Variants in MYO15A observed in about 807,000 individuals in gnomAD.
MYO15A encodes unconventional myosin-XV.
A neutral mutation model predicts 394.6 loss-of-function variants in MYO15A; 308 were observed. The observed-to-expected ratio is 0.78, with a 90% CI of 0.71 to 0.86. MYO15A has a LOEUF of 0.86. MYO15A is among the 40% of genes least tolerant of loss of function. The pLI is 0.00. For missense variants in MYO15A, 4,606 were observed against 4,799.1 expected, an observed-to-expected ratio of 0.96 and a Z score of 1.19; for synonymous variants, 1,957 against 2,003.8, an observed-to-expected ratio of 0.98 and a Z score of 0.62.
At chr17:18,141,244 AG>A in intron 22 of MYO15A, 101 bp downstream of exon 22, 1 of 1,551,556 alleles carries the variant, frequency 6.4e-7, no homozygotes, top group South Asian at 1.1e-5. Context: ...TGCCATGCAC[AG>A]TTGCTCAGGT....
chr17:18,121,280 G>C lies in MYO15A; in HGVS notation c.2480G>C (p.Arg827Pro). 1 of 1,369,968 alleles carries C rather than the reference G, an allele frequency of 7.3e-7. No individual in the cohort carries two copies. The highest frequency in any genetic ancestry group is 9.4e-7 in the Non-Finnish European group (1 of 1,066,556). The allele number at this position is 1,369,968 out of a possible 1,614,324, so 84.9% of individuals were successfully genotyped here. A position where few individuals can be genotyped will look rare whatever the true frequency, so the allele number is the denominator to read the frequency against. The change falls in exon 2 of 66, where the codon CGC (arginine) becomes CCC (proline). Residue 827 changes from arginine to proline, a missense_variant. Physicochemically the swap from Arg to Pro is moderately radical, Grantham distance 103. Transcript: ENST00000647165. The surrounding 1 kb of genome is among the most constrained non-coding windows in gnomAD (Gnocchi z 5.3). ...TCGCTGCAGGAGTCCCCAGCCCCAC[G>C]CCGAGCCGCTGGGCGCCTGGGCCCA... ...PRSLQESPAP[R>P]RAAGRLGPPG... is the part of the protein sequence containing the mutation.
At chr17:18,137,790 C>T in intron 16 of MYO15A, 111 bp downstream of exon 16, 1 of 1,235,970 alleles carries the variant, frequency 8.1e-7, no homozygotes, top group Non-Finnish European at 1.2e-6. Flanking sequence ...CATCAGTAGA[C>T]AGTAGAGGGA....
At chr17:18,112,104 T>C (rs1298779776) in intron 1 of MYO15A, among the ~76,000 whole-genome samples, 2 of 152,250 alleles carry the variant, frequency 1.3e-5, no homozygotes, top group Non-Finnish European at 2.9e-5. Context: ...CCTCTCAGCC[T>C]TTCTTCTGGA....
Position 18,119,877 on chromosome 17 carries a change from ATACCACACTCCC to A in MYO15A, c.1081_1092del (p.His361_Tyr364del). 1 of 1,613,054 alleles carries A rather than the reference ATACCACACTCCC, an allele frequency of 6.2e-7. No homozygotes were observed. Among genetic ancestry groups the A allele is most frequent in the Non-Finnish European group, 8.5e-7 (1 of 1,179,956 alleles). On this transcript the variant is annotated inframe_deletion, in exon 2 of 66. Transcript: ENST00000647165. Reference sequence around the variant, plus strand: ...CGCCATACCCACCCTATGACCTCCCATACCACACTCCCTACGATGTACCCTACTTTGATCCCT... The same window carrying A: ...CGCCATACCCACCCTATGACCTCCCATACGATGTACCCTACTTTGATCCCT...
chr17:18,161,254 G>A lies in MYO15A; in HGVS notation c.9387-63G>A, dbSNP rs567877036. 46 of 1,591,900 alleles carry A rather than the reference G, an allele frequency of 2.9e-5. No homozygotes were observed. In the African/African-American group the frequency reaches 5.9e-4, roughly 20 times the overall value. ...GGAATCTGTCTCAGCTCAATCCCAG[G>A]AGGCTCTTGGCACACTCTAGTGCTG... On this transcript the variant is annotated intron_variant, in intron 56 of 65. Coordinates refer to ENST00000647165, the MANE Select transcript of MYO15A (RefSeq NM_016239.4).
At chr17:18,162,509 G>C (rs1462270203) in intron 57 of MYO15A, 76 bp from the exon 58 acceptor site, 2 of 1,328,006 alleles carry the variant, frequency 1.5e-6, no homozygotes, top group East Asian at 4.8e-5. Flanking sequence ...GTGGGCTCAT[G>C]GTTGGTGGCA....
At position 18,179,043 on chromosome 17, in the gene MYO15A, T is replaced by C; in HGVS notation, c.*173T>C. The C allele has an allele frequency of 1.5e-6, 1 of 675,194 alleles. No homozygotes were observed. The highest frequency in any genetic ancestry group is 2.6e-6 in the Non-Finnish European group (1 of 383,720). The allele number at this position is 675,194 out of a possible 1,614,324, so 41.8% of individuals were successfully genotyped here. The stretch of plus-strand genomic sequence containing the variant: ...CCCAAGAACACAAGAAGACCCATCC[T>C]GAACTGGGATGGAATGGCAGCATGC... On this transcript the variant is annotated 3_prime_UTR_variant, in exon 66 of 66. Transcript: ENST00000647165.
chr17:18,155,137 C>T lies in MYO15A; in HGVS notation c.8252C>T (p.Pro2751Leu). 1.2e-6 allele frequency: 2 copies of T among 1,613,940 alleles called. No individual in the cohort carries two copies. Among genetic ancestry groups the T allele is most frequent in the Non-Finnish European group, 1.7e-6 (2 of 1,179,998 alleles). Residue 2751 changes from proline to leucine, a missense_variant, in exon 46 of 66, where the codon CCT becomes CTT. This residue lies in a region of MYO15A where 2,776 missense variants were observed against 3,109.3 expected (regional missense o/e 0.89). Transcript: ENST00000647165. ...CAGAACCAGCTGGACACACAGAAGC[C>T]TCTGGTAACGGAAAGCGTGAAGCGG... ...FAQNQLDTQK[P>L]LVTESVKRAV... is the part of the protein sequence containing the mutation.
intron 10 of MYO15A, 111 bp downstream of exon 10, chr17:18,131,642 ATACATGCG>A: frequency 7.8e-7 from 1 of 1,277,606 alleles, no homozygotes; most frequent in East Asian, 2.5e-5. Flanking sequence ...TAATGAACGA[ATACATGCG>A]TACATGTGTA....
intron 60 of MYO15A, 34 bp from the exon 61 acceptor site, chr17:18,166,327 C>A (rs1168850044): frequency 6.2e-7 from 1 of 1,606,278 alleles, no homozygotes; most frequent in Non-Finnish European, 8.5e-7. Context: ...TGCACACATG[C>A]CCCCACCCAG....
At chr17:18,157,098 G>A (rs147911428) in intron 49 of MYO15A, 33 bp downstream of exon 49, 4 of 1,612,552 alleles carry the variant, frequency 2.5e-6, no homozygotes, top group East Asian at 4.5e-5. Flanking sequence ...GGGGGCAGGA[G>A]GGGGAGGCTG....
In MYO15A at chr17:18,120,859, C is replaced by T; in HGVS notation, c.2059C>T (p.Leu687=). 5 of 1,227,158 alleles carry T rather than the reference C, an allele frequency of 4.1e-6. No homozygotes were observed. The highest frequency in any genetic ancestry group is 5.1e-6 in the Non-Finnish European group (5 of 980,468). 76.0% of individuals were successfully genotyped at this position (1,227,158 alleles called of 1,614,324 possible). A position where few individuals can be genotyped will look rare whatever the true frequency, so the allele number is the denominator to read the frequency against. ...GCCGCTCTCCCCGGCGCTCTCGGGC[C>T]TGCCCCGGCCGGCCTCGCCCTACGG... ...APPLSPALSG[L]PRPASPYGSL... The change falls in exon 2 of 66, where the codon CTG becomes TTG. Residue 687 remains leucine, a synonymous_variant. Coordinates refer to ENST00000647165, the MANE Select transcript of MYO15A (RefSeq NM_016239.4).
intron 56 of MYO15A, 42 bp from the exon 57 acceptor site, chr17:18,161,275 T>G: frequency 1.2e-6 from 2 of 1,608,436 alleles, no homozygotes; most frequent in Non-Finnish European, 1.7e-6. Flanking sequence ...CACACTCTAG[T>G]GCTGTGGCCA....
chr17:18,157,443 T>C (rs1025972784), intron 50 of MYO15A: 5 of 909,668 alleles, frequency 5.5e-6, no homozygotes, highest in Non-Finnish European at 8.5e-6. Flanking sequence ...ATTTCCATGT[T>C]TGTGGCCTGA....
intron 33 of MYO15A, 71 bp from the exon 34 acceptor site, chr17:18,149,145 T>C: frequency 6.3e-7 from 1 of 1,590,286 alleles, no homozygotes; most frequent in Non-Finnish European, 8.6e-7. Flanking sequence ...AATACCAGGG[T>C]GCAGAAGAAA....
chr17:18,120,906 G>T lies in MYO15A; in HGVS notation c.2106G>T (p.Pro702=). The part of the protein sequence containing the change: ...SPYGSLRRHP[P]PWAAPAHVPP... The stretch of plus-strand genomic sequence containing the variant: ...ACGGCTCCCTCCGCCGCCACCCGCC[G>T]CCCTGGGCCGCCCCAGCGCACGTGC... Residue 702 remains proline, a synonymous_variant, in exon 2 of 66, where the codon CCG becomes CCT. Transcript: ENST00000647165. 3 of 1,430,284 alleles carry T rather than the reference G, an allele frequency of 2.1e-6. No homozygotes were observed. The highest frequency in any genetic ancestry group is 2.7e-6 in the Non-Finnish European group (3 of 1,096,222). 88.6% of individuals were successfully genotyped at this position (1,430,284 alleles called of 1,614,324 possible).
At chr17:18,111,535 C>T (rs2045721955) in intron 1 of MYO15A, among the ~76,000 whole-genome samples, 1 of 152,162 alleles carries the variant, frequency 6.6e-6, no homozygotes, top group Non-Finnish European at 1.5e-5. Flanking sequence ...AGACTTGCTC[C>T]CTGACACCCG....
At chr17:18,169,054 A>G (rs2046898632) in intron 62 of MYO15A, among the ~76,000 whole-genome samples, 2 of 150,178 alleles carry the variant, frequency 1.3e-5, no homozygotes, top group South Asian at 4.2e-4. Context: ...TGGAGGTTGC[A>G]GTGAGCCGAG....
chr17:18,163,980 C>T, intron 60 of MYO15A, 142 bp downstream of exon 60: 1 of 813,300 alleles, frequency 1.2e-6, no homozygotes, highest in Non-Finnish European at 2.1e-6. Context: ...GTGGAAGGAT[C>T]TCTGTGTGTA....
Sources: gnomAD v4.1 joint callset for allele counts (sites outside exome capture counted in the v4.1 genomes callset) on GRCh38, gnomAD v4.1.1 for gene constraint, gnomAD v4.1.1 regional missense constraint, Gnocchi (gnomAD v3.1) non-coding constraint, MANE v1.5 for transcripts, NCBI Gene and HGNC (gene_info 2026-07-23, HGNC 2026-07-21) for gene names.